Variants in RAVER1 observed in about 807,000 individuals in gnomAD.
The protein encoded by RAVER1 is ribonucleoprotein, PTB binding 1, also known as ribonucleoprotein PTB-binding 1.
Under a neutral mutation model 68.4 loss-of-function variants are expected in RAVER1, and 36 were observed. The ratio of observed to expected loss-of-function variants is 0.53; its 90% CI spans 0.40 to 0.70. The LOEUF is 0.70. Ranked by LOEUF, RAVER1 falls within the 30% of genes least tolerant of loss-of-function variation. RAVER1 has a pLI of 0.00. For missense variants in RAVER1, 933 were observed against 1,019.8 expected (o/e 0.91, Z 1.16); for synonymous variants, 469 against 472.7 (o/e 0.99, Z 0.10).
At chr19:10,327,819 G>A (rs79618866) in intron 3 of RAVER1, among the ~76,000 whole-genome samples, 4,463 of 152,256 alleles carry the variant, frequency 0.029, 88 homozygotes, top group East Asian at 0.049. Context: ...GGATCTCTGG[G>A]GATCAAGACC....
intron 9 of RAVER1, 140 bp downstream of exon 9, chr19:10,320,515 A>AG: frequency 1.4e-6 from 1 of 739,814 alleles, no homozygotes; most frequent in East Asian, 3.2e-5. Context: ...AAAAAAAAAA[A>AG]AAAAAAAAAG....
rs1213501885 is a variant in RAVER1 at position 10,323,071 on chromosome 19, G to A, written c.1078+74C>T. On this transcript the variant is annotated intron_variant, in intron 5 of 12. Coordinates refer to ENST00000617231, the MANE Select transcript of RAVER1 (RefSeq NM_133452.3). This position sits in a 1 kb window ranked among gnomAD's most constrained non-coding sequence, Gnocchi z 6.2. ...CCTGTCACTGCAGCCAAGATGAGCA[G>A]TTTCGGGAAGTGCCGGGGGCAGCGC... 6.2e-6 allele frequency: 8 copies of A among 1,289,636 alleles called. No homozygotes were observed. The East Asian group carries it at 2.1e-4, about 33-fold the overall frequency. 79.9% of individuals were successfully genotyped at this position (1,289,636 alleles called of 1,614,324 possible).
chr19:10,318,462 G>T (rs997582331), intron 10 of RAVER1, 90 bp from the exon 11 acceptor site: 3 of 976,486 alleles, frequency 3.1e-6, no homozygotes, highest in Non-Finnish European at 3.0e-6. Context: ...AGGTTCAAGC[G>T]ATTCTCCTGC....
chr19:10,332,969 A>G (rs1450147456), intron 1 of RAVER1, among the ~76,000 whole-genome samples: 2 of 152,132 alleles, frequency 1.3e-5, no homozygotes, highest in Non-Finnish European at 2.9e-5. Context: ...TGGTGGTCCA[A>G]TGTACCAGCC....
Position 10,316,971 on chromosome 19 carries a change from G to A in RAVER1, c.*483C>T. 5.4e-6 allele frequency: 1 copy of A among 185,976 alleles called. No homozygotes were observed. 11.5% of individuals were successfully genotyped at this position (185,976 alleles called of 1,614,324 possible). A position where few individuals can be genotyped will look rare whatever the true frequency, so the allele number is the denominator to read the frequency against. On this transcript the variant is annotated 3_prime_UTR_variant, in exon 13 of 13. Transcript: ENST00000617231. ...TGGTGGCCCGGACAGGCCGGGCCTT[G>A]AAGGAATCAGAGCTGGGGGCTGTCC... is the stretch of plus-strand genomic sequence containing the variant.
rs2040388884 is a variant in RAVER1 at position 10,316,513 on chromosome 19, C to T, written c.*941G>A. 4.0e-6 allele frequency: 4 copies of T among 989,114 alleles called. No homozygotes were observed. Among genetic ancestry groups the T allele is most frequent in the South Asian group, 4.5e-5 (1 of 22,064 alleles). The allele number at this position is 989,114 out of a possible 1,614,324, so 61.3% of individuals were successfully genotyped here. A position where few individuals can be genotyped will look rare whatever the true frequency, so the allele number is the denominator to read the frequency against. ...CAGGCAGAATTCAAGAATTCATCTT[C>T]AACAAGCGAGTGACAGCAGAGGCTC... On this transcript the variant is annotated 3_prime_UTR_variant, in exon 13 of 13. Coordinates refer to ENST00000617231, the MANE Select transcript of RAVER1 (RefSeq NM_133452.3).
intron 11 of RAVER1, 110 bp downstream of exon 11, chr19:10,318,119 C>T (rs1386104998): frequency 7.4e-6 from 7 of 950,788 alleles, no homozygotes; most frequent in African/African-American, 6.7e-5. Flanking sequence ...CAACCCCTGC[C>T]ACCACCCCAG....
In RAVER1 at chr19:10,322,249, C is replaced by T. The variant is rs1265695131; in HGVS notation, c.1173+396G>A. 10 of 232,416 alleles carry T rather than the reference C, an allele frequency of 4.3e-5. No individual in the cohort carries two copies. The highest frequency in any genetic ancestry group is 6.7e-5 in the Non-Finnish European group (8 of 120,184). The allele number at this position is 232,416 out of a possible 1,614,324, so 14.4% of individuals were successfully genotyped here. A position where few individuals can be genotyped will look rare whatever the true frequency, so the allele number is the denominator to read the frequency against. ...AGGTGTGCGTGTGTGTGTGTGCACA[C>T]ACTGAGGGGATAGACCTGGAGTTTT... On this transcript the variant is annotated intron_variant, in intron 6 of 12. Coordinates refer to ENST00000617231, the MANE Select transcript of RAVER1 (RefSeq NM_133452.3). This position sits in a 1 kb window ranked among gnomAD's most constrained non-coding sequence, Gnocchi z 4.3.
At chr19:10,331,531 C>T (rs1243788854) in intron 1 of RAVER1, among the ~76,000 whole-genome samples, 2 of 149,780 alleles carry the variant, frequency 1.3e-5, no homozygotes, top group African/African-American at 2.5e-5. Context: ...ACTAAAAATA[C>T]AAAAATCAGC....
intron 3 of RAVER1, among the ~76,000 whole-genome samples, chr19:10,325,444 T>C (rs1336792766): frequency 6.6e-6 from 1 of 152,100 alleles, no homozygotes; most frequent in African/African-American, 2.4e-5. Flanking sequence ...TTAGCCAGGA[T>C]GGCCTCGATC....
intron 8 of RAVER1, 23 bp from the exon 9 acceptor site, chr19:10,320,974 G>T (rs768734035): frequency 6.7e-7 from 1 of 1,490,028 alleles, no homozygotes; most frequent in Non-Finnish European, 8.9e-7. Context: ...GGCAGGATTC[G>T]AGAGGGCCCC....
intron 9 of RAVER1, 102 bp downstream of exon 9, chr19:10,320,553 C>T: frequency 1.9e-6 from 2 of 1,073,378 alleles, no homozygotes; most frequent in East Asian, 3.0e-5. Flanking sequence ...ACGTTCCCTG[C>T]CGCCTCCCTA....
chr19:10,317,757 G>C lies in RAVER1; in HGVS notation c.2006C>G (p.Pro669Arg). The C allele has an allele frequency of 6.3e-7, 1 of 1,589,800 alleles. No individual in the cohort carries two copies. Among genetic ancestry groups the C allele is most frequent in the Non-Finnish European group, 8.6e-7 (1 of 1,167,836 alleles). Residue 669 changes from proline to arginine, a missense_variant, in exon 12 of 13, where the codon CCG (proline) becomes CGG (arginine). This residue lies in a region of RAVER1 where 699 missense variants were observed against 731.1 expected (regional missense o/e 0.96). Transcript: ENST00000617231. The surrounding 1 kb of genome is among the most constrained non-coding windows in gnomAD (Gnocchi z 4.3). ...SHLSKAIGSS[P>R]LGSGEGLLGL... ...CAGGAGCCCTTCTCCGGACCCCAGC[G>C]GGGAAGAGCCGATTGCCTGGGAGAA... is the stretch of plus-strand genomic sequence containing the variant.
rs529794115 is a variant in RAVER1, at chr19:10,325,778, T to TAGAG, written c.757-2213_757-2212insCTCT. Among the ~76,000 whole-genome samples, 717 of 151,600 alleles carry TAGAG rather than the reference T, an allele frequency of 4.7e-3. 6 individuals are homozygous for TAGAG. Among genetic ancestry groups the TAGAG allele is most frequent in the African/African-American group, 0.017 (689 of 41,256 alleles). On this transcript the variant is annotated intron_variant, in intron 3 of 12. Transcript: ENST00000617231. ...GAGTGTACTCCTCCAGCCTGGGTGA[T>TAGAG]TGAGAACCTGTCTCAAAAAAAAAAA...
Position 10,333,491 on chromosome 19 carries a change from G to A in RAVER1, c.17C>T (p.Ser6Phe). Residue 6 changes from serine to phenylalanine, a missense_variant, in exon 1 of 13, where the codon TCC becomes TTC. Around this residue, in one of 3 missense-constraint regions of RAVER1, gnomAD observed 211 missense variants for 230.0 expected, o/e 0.92. Transcript: ENST00000617231. This position sits in a 1 kb window ranked among gnomAD's most constrained non-coding sequence, Gnocchi z 4.2. ...GCTCAGCGGGGGCCGGTGAGTAACG[G>A]ACACGTCCGCCGCCATCTTGGGAAA... is the stretch of plus-strand genomic sequence containing the variant. MAADV[S>F]VTHRPPLSPK... is the part of the protein sequence containing the mutation. The A allele has an allele frequency of 6.2e-7, 1 of 1,602,430 alleles. No individual in the cohort carries two copies. Among genetic ancestry groups the A allele is most frequent in the Non-Finnish European group, 8.5e-7 (1 of 1,174,826 alleles).
chr19:10,331,393 CAAA>C (rs1171709414), intron 1 of RAVER1, among the ~76,000 whole-genome samples: 38 of 48,522 alleles, frequency 7.8e-4, no homozygotes, highest in Non-Finnish European at 1.1e-3. Context: ...ATAACAACAA[CAAA>C]AAAAAAAAAA....
chr19:10,332,060 T>C (rs548389198), intron 1 of RAVER1, among the ~76,000 whole-genome samples: 1 of 152,254 alleles, frequency 6.6e-6, no homozygotes, highest in Admixed American at 6.5e-5. Flanking sequence ...AGTAGCACAA[T>C]CATAGCTCAC....
chr19:10,317,889 A>T lies in RAVER1; in HGVS notation c.1990-116T>A, dbSNP rs1180538849. The T allele has an allele frequency of 1.5e-6, 1 of 675,376 alleles. No homozygotes were observed. The highest frequency in any genetic ancestry group is 2.6e-6 in the Non-Finnish European group (1 of 381,724). The allele number at this position is 675,376 out of a possible 1,614,324, so 41.8% of individuals were successfully genotyped here. A position where few individuals can be genotyped will look rare whatever the true frequency, so the allele number is the denominator to read the frequency against. On this transcript the variant is annotated intron_variant, in intron 11 of 12. Coordinates refer to ENST00000617231, the MANE Select transcript of RAVER1 (RefSeq NM_133452.3). This position sits in a 1 kb window ranked among gnomAD's most constrained non-coding sequence, Gnocchi z 4.3. ...GGGAAAGCGAACAGTTTCAGGTTCA[A>T]ATCTTGCTTCTGCTACTTTCTAGCT...
intron 3 of RAVER1, among the ~76,000 whole-genome samples, chr19:10,324,962 G>A (rs2040464022): frequency 6.6e-6 from 1 of 152,128 alleles, no homozygotes; most frequent in Admixed American, 6.6e-5. Context: ...AAGGCAGGAG[G>A]ATCGTTTGAG....
Sources: allele counts gnomAD v4.1 joint callset (sites outside exome capture counted in the v4.1 genomes callset), GRCh38; gene constraint gnomAD v4.1.1; regional missense constraint gnomAD v4.1.1; non-coding constraint Gnocchi (gnomAD v3.1); transcripts MANE v1.5; gene names NCBI Gene and HGNC (gene_info 2026-07-23, HGNC 2026-07-21).